The following NR4A2 variants were observed in gnomAD, a reference collection of about 807,000 sequenced individuals.
NR4A2 encodes nuclear receptor subfamily 4 group A member 2.
A neutral mutation model predicts 50.5 loss-of-function variants in NR4A2; 1 was observed. The observed-to-expected ratio is 0.02, with a 90% CI of 0.01 to 0.09. NR4A2 has a LOEUF of 0.09. Ranked by LOEUF, NR4A2 falls within the 10% of genes least tolerant of loss-of-function variation. NR4A2 has a pLI of 1.00. For synonymous variants in NR4A2, 328 were observed against 309.4 expected, an observed-to-expected ratio of 1.06 and a Z score of -0.63; for missense variants, 613 against 777.3, an observed-to-expected ratio of 0.79 and a Z score of 2.51.
chr2:156,326,968 TA>T lies in NR4A2; in HGVS notation c.1159-49del, dbSNP rs751835797. 11 of 1,580,862 alleles carry T rather than the reference TA, an allele frequency of 7.0e-6. No homozygotes were observed. Among genetic ancestry groups the T allele is most frequent in the Non-Finnish European group, 8.7e-7 (1 of 1,152,212 alleles). On this transcript the variant is annotated intron_variant, in intron 5 of 7. Coordinates refer to ENST00000339562, the MANE Select transcript of NR4A2 (RefSeq NM_006186.4). This position sits in a 1 kb window ranked among gnomAD's most constrained non-coding sequence, Gnocchi z 4.2. The stretch of plus-strand genomic sequence containing the variant: ...ACTTAATGAGGTTCTCTAAAATATA[TA>T]ACCCGTGAAATTGCTAACCCCGTTT...
Position 156,325,968 on chromosome 2 carries a change from C to G in NR4A2, c.1573G>C (p.Glu525Gln). Reference sequence around the variant, plus strand: ...TTTACAATCTTGTTTTGCAGTTCTTCCACTCTCTTGGGTTCCTTGAGCCCG... The same window carrying G: ...TTTACAATCTTGTTTTGCAGTTCTTGCACTCTCTTGGGTTCCTTGAGCCCG... ...RHGLKEPKRV[E>Q]ELQNKIVNCL... The change falls in exon 8 of 8, where the codon GAA (glutamate) becomes CAA (glutamine). Residue 525 changes from glutamate to glutamine, a missense_variant. Around this residue, in one of 4 missense-constraint regions of NR4A2, gnomAD observed 250 missense variants for 311.3 expected, o/e 0.80. Coordinates refer to ENST00000339562, the MANE Select transcript of NR4A2 (RefSeq NM_006186.4). The G allele has an allele frequency of 1.2e-6, 2 of 1,614,186 alleles. No homozygotes were observed. The highest frequency in any genetic ancestry group is 1.7e-6 in the Non-Finnish European group (2 of 1,180,036).
At position 156,328,059 on chromosome 2, in the gene NR4A2, C is replaced by T. The variant is rs767495441; in HGVS notation, c.995-45G>A. The T allele has an allele frequency of 6.3e-7, 1 of 1,579,640 alleles. No homozygotes were observed. Among genetic ancestry groups the T allele is most frequent in the South Asian group, 1.1e-5 (1 of 87,082 alleles). ...TTAGCGCCGCTTTTCCGAGCCCAGG[C>T]CCAGCTGCTGCCTCGGTCCCTCCCC... On this transcript the variant is annotated intron_variant, in intron 4 of 7. Coordinates refer to ENST00000339562, the MANE Select transcript of NR4A2 (RefSeq NM_006186.4). This position sits in a 1 kb window ranked among gnomAD's most constrained non-coding sequence, Gnocchi z 4.9.
chr2:156,328,639 C>T lies in NR4A2; in HGVS notation c.865-106G>A. 1 of 1,282,554 alleles carries T rather than the reference C, an allele frequency of 7.8e-7. No homozygotes were observed. Among genetic ancestry groups the T allele is most frequent in the Middle Eastern group, 2.5e-4 (1 of 4,070 alleles). The allele number at this position is 1,282,554 out of a possible 1,614,324, so 79.4% of individuals were successfully genotyped here. A position where few individuals can be genotyped will look rare whatever the true frequency, so the allele number is the denominator to read the frequency against. ...GACTGGGGTCTACGATTCCTCCCCA[C>T]AAACAAACACATACACACAATTCCA... On this transcript the variant is annotated intron_variant, in intron 3 of 7. Coordinates refer to ENST00000339562, the MANE Select transcript of NR4A2 (RefSeq NM_006186.4). The surrounding 1 kb of genome is among the most constrained non-coding windows in gnomAD (Gnocchi z 4.9).
At position 156,330,738 on chromosome 2, in the gene NR4A2, G is replaced by C; in HGVS notation, c.-73C>G. On this transcript the variant is annotated 5_prime_UTR_variant, in exon 2 of 8. Transcript: ENST00000339562. ...GTGTCGTAATTCAATGAAGGACAAA[G>C]TTTCCAAGATTTTTAGAAAAGCAAT... The C allele has an allele frequency of 1.6e-6, 2 of 1,255,694 alleles. No individual in the cohort carries two copies. The highest frequency in any genetic ancestry group is 2.0e-6 in the Non-Finnish European group (2 of 1,000,290). 77.8% of individuals were successfully genotyped at this position (1,255,694 alleles called of 1,614,324 possible).
chr2:156,329,719 G>A lies in NR4A2; in HGVS notation c.468C>T (p.Tyr156=). ...GCTCGATCATGTGCGTAGTGGCCAC[G>A]TAGTTCTGGTGGAAGTTGTGGAGAG... ...PGSLHNFHQN[Y]VATTHMIEQR... The change falls in exon 3 of 8, where the codon TAC becomes TAT. Residue 156 remains tyrosine (Y), a synonymous_variant. Coordinates refer to ENST00000339562, the MANE Select transcript of NR4A2 (RefSeq NM_006186.4). This position sits in a 1 kb window ranked among gnomAD's most constrained non-coding sequence, Gnocchi z 7.5. 6.2e-7 allele frequency: 1 copy of A among 1,614,038 alleles called. No individual in the cohort carries two copies. The highest frequency in any genetic ancestry group is 8.5e-7 in the Non-Finnish European group (1 of 1,179,936).
rs1228468260 is a variant in NR4A2, at chr2:156,324,486, G to A, written c.*1258C>T. 6.6e-6 allele frequency: 1 copy of A among 152,040 alleles called. No individual in the cohort carries two copies. The highest frequency in any genetic ancestry group is 1.5e-5 in the Non-Finnish European group (1 of 67,936). 9.4% of individuals were successfully genotyped at this position (152,040 alleles called of 1,614,324 possible). A position where few individuals can be genotyped will look rare whatever the true frequency, so the allele number is the denominator to read the frequency against. On this transcript the variant is annotated 3_prime_UTR_variant, in exon 8 of 8. Transcript: ENST00000339562. The stretch of plus-strand genomic sequence containing the variant: ...AAACATTAAAATTGTCTTTCTCAAA[G>A]AAAGAATTTATCAGAAAAAAAATCA...
Position 156,326,688 on chromosome 2 carries a change from C to T in NR4A2, c.1361+30G>A. On this transcript the variant is annotated intron_variant, in intron 6 of 7. Transcript: ENST00000339562. This position sits in a 1 kb window ranked among gnomAD's most constrained non-coding sequence, Gnocchi z 4.2. ...CTTTCTTGATTTCTCTCACAGCCTC[C>T]CTGGATTGTCTCCCTCCCTCCCTTA... The T allele has an allele frequency of 2.0e-6, 3 of 1,527,506 alleles. No homozygotes were observed. Among genetic ancestry groups the T allele is most frequent in the Non-Finnish European group, 2.6e-6 (3 of 1,141,704 alleles). The allele number at this position is 1,527,506 out of a possible 1,614,324, so 94.6% of individuals were successfully genotyped here.
Position 156,326,385 on chromosome 2 carries a change from A to T in NR4A2, c.1362-57T>A. On this transcript the variant is annotated intron_variant, in intron 6 of 7. Transcript: ENST00000339562. The surrounding 1 kb of genome is among the most constrained non-coding windows in gnomAD (Gnocchi z 4.2). ...AAAAAGAGAGAGAGAAAAGCTAAAC[A>T]ACTAATTACTTGAAGAGCAATAAAT... 1 of 1,476,938 alleles carries T rather than the reference A, an allele frequency of 6.8e-7. No homozygotes were observed. The allele number at this position is 1,476,938 out of a possible 1,614,324, so 91.5% of individuals were successfully genotyped here.
chr2:156,329,736 T>C lies in NR4A2; in HGVS notation c.451A>G (p.Asn151Asp). 1 of 1,613,920 alleles carries C rather than the reference T, an allele frequency of 6.2e-7. No homozygotes were observed. The part of the protein sequence containing the change: ...PMWDDPGSLH[N>D]FHQNYVATTH... ...GTGGCCACGTAGTTCTGGTGGAAGTTGTGGAGAGATCCCGGGTCGTCCCAC... is the reference window on the plus strand; with the variant it reads ...GTGGCCACGTAGTTCTGGTGGAAGTCGTGGAGAGATCCCGGGTCGTCCCAC... The change falls in exon 3 of 8, where the codon AAC becomes GAC. Residue 151 changes from asparagine to aspartate, a missense_variant. Asn to Asp is a conservative substitution (Grantham distance 23). Transcript: ENST00000339562. This position sits in a 1 kb window ranked among gnomAD's most constrained non-coding sequence, Gnocchi z 7.5.
In NR4A2 at chr2:156,329,513, C is replaced by G; in HGVS notation, c.674G>C (p.Arg225Pro). Residue 225 changes from arginine to proline, a missense_variant, in exon 3 of 8, where the codon CGC (arginine) becomes CCC (proline). Transcript: ENST00000339562. This position sits in a 1 kb window ranked among gnomAD's most constrained non-coding sequence, Gnocchi z 7.5. ...GQTFAVPNPI[R>P]KPASMGFPGL... ...CGGGAAGCCCATGGACGCGGGCTTG[C>G]GAATGGGGTTGGGCACAGCGAAGGT... is the stretch of plus-strand genomic sequence containing the variant. 1.9e-6 allele frequency: 3 copies of G among 1,604,900 alleles called. No individual in the cohort carries two copies. The highest frequency in any genetic ancestry group is 1.7e-6 in the Non-Finnish European group (2 of 1,176,030).
At position 156,329,478 on chromosome 2, in the gene NR4A2, T is replaced by G; in HGVS notation, c.709A>C (p.Ile237Leu). The change falls in exon 3 of 8, where the codon ATC becomes CTC. Residue 237 changes from isoleucine (I) to leucine (L), a missense_variant. By Grantham distance (5) the Ile-to-Leu change is conservative. This residue lies in a region of NR4A2 where 275 missense variants were observed against 248.9 expected (regional missense o/e 1.10). Coordinates refer to ENST00000339562, the MANE Select transcript of NR4A2 (RefSeq NM_006186.4). This position sits in a 1 kb window ranked among gnomAD's most constrained non-coding sequence, Gnocchi z 7.5. ...PASMGFPGLQ[I>L]GHASQLLDTQ... ...TCGAGCAGCTGAGACGCGTGGCCGA[T>G]CTGCAGGCCCGGGAAGCCCATGGAC... The G allele has an allele frequency of 6.2e-7, 1 of 1,606,730 alleles. No individual in the cohort carries two copies. The highest frequency in any genetic ancestry group is 8.5e-7 in the Non-Finnish European group (1 of 1,177,780).
At position 156,328,271 on chromosome 2, in the gene NR4A2, T is replaced by A; in HGVS notation, c.994+133A>T. ...AGGGAAGGCCGGGCAAGCAGGCAGCTGCAGGGTCCTGGAGGCCATACTGAG... is the reference window on the plus strand; with the variant it reads ...AGGGAAGGCCGGGCAAGCAGGCAGCAGCAGGGTCCTGGAGGCCATACTGAG... On this transcript the variant is annotated intron_variant, in intron 4 of 7. Coordinates refer to ENST00000339562, the MANE Select transcript of NR4A2 (RefSeq NM_006186.4). The surrounding 1 kb of genome is among the most constrained non-coding windows in gnomAD (Gnocchi z 4.9). The A allele has an allele frequency of 6.9e-7, 1 of 1,452,452 alleles. No homozygotes were observed. The allele number at this position is 1,452,452 out of a possible 1,614,324, so 90.0% of individuals were successfully genotyped here.
At chr2:156,330,535 A>T in intron 2 of NR4A2, 133 bp downstream of exon 2, 1 of 983,108 alleles carries the variant, frequency 1.0e-6, no homozygotes, top group Non-Finnish European at 1.4e-6. Flanking sequence ...AATGAAGTTG[A>T]ATTTCACAAT....
At position 156,325,975 on chromosome 2, in the gene NR4A2, C is replaced by T. The variant is rs566239612; in HGVS notation, c.1566G>A (p.Lys522=). The T allele has an allele frequency of 8.1e-6, 13 of 1,614,216 alleles. No homozygotes were observed. The East Asian group carries it at 2.9e-4, about 36-fold the overall frequency. The change falls in exon 8 of 8, where the codon AAG becomes AAA. Residue 522 remains lysine, a synonymous_variant. Coordinates refer to ENST00000339562, the MANE Select transcript of NR4A2 (RefSeq NM_006186.4). ...VTERHGLKEP[K]RVEELQNKIV... is the part of the protein sequence containing the mutation. ...TCTTGTTTTGCAGTTCTTCCACTCTCTTGGGTTCCTTGAGCCCGTGTCTCT... is the reference window on the plus strand; with the variant it reads ...TCTTGTTTTGCAGTTCTTCCACTCTTTTGGGTTCCTTGAGCCCGTGTCTCT...
Position 156,329,641 on chromosome 2 carries a change from G to A in NR4A2, c.546C>T (p.Pro182=). ...RLSLFSFKQS[P]PGTPVSSCQM... is the part of the protein sequence containing the mutation. Reference sequence around the variant, plus strand: ...GGCAACTAGACACCGGGGTGCCAGGGGGCGATTGCTTAAAGGAGAAGAGGG... The same window carrying A: ...GGCAACTAGACACCGGGGTGCCAGGAGGCGATTGCTTAAAGGAGAAGAGGG... The change falls in exon 3 of 8, where the codon CCC becomes CCT. Residue 182 remains proline (P), a synonymous_variant. Coordinates refer to ENST00000339562, the MANE Select transcript of NR4A2 (RefSeq NM_006186.4). This position sits in a 1 kb window ranked among gnomAD's most constrained non-coding sequence, Gnocchi z 7.5. The A allele has an allele frequency of 6.2e-7, 1 of 1,613,740 alleles. No homozygotes were observed. The highest frequency in any genetic ancestry group is 8.5e-7 in the Non-Finnish European group (1 of 1,179,788).
rs1254513717 is a variant in NR4A2, at chr2:156,326,851, G to A, written c.1228C>T (p.Leu410=). Residue 410 remains leucine, a synonymous_variant, in exon 6 of 8, where the codon CTG becomes TTG. Transcript: ENST00000339562. The surrounding 1 kb of genome is among the most constrained non-coding windows in gnomAD (Gnocchi z 4.2). ...CGGATGATCTCCATGGAGCCAGTCA[G>A]GAGATCATAGAATTGCTGGATATGC... ...TQHIQQFYDL[L]TGSMEIIRGW... 1.9e-6 allele frequency: 3 copies of A among 1,614,134 alleles called. No individual in the cohort carries two copies. The African/African-American group carries it at 4.0e-5, about 22-fold the overall frequency.
At chr2:156,330,314 G>T in intron 2 of NR4A2, 126 bp from the exon 3 acceptor site, 1 of 1,097,356 alleles carries the variant, frequency 9.1e-7, no homozygotes, top group Non-Finnish European at 1.3e-6. Flanking sequence ...GGCGCGAGAG[G>T]AAAGGCAGGA....
chr2:156,327,244 G>A (rs188922540), intron 5 of NR4A2, among the ~76,000 whole-genome samples: 1 of 152,178 alleles, frequency 6.6e-6, no homozygotes, highest in Non-Finnish European at 1.5e-5. Flanking sequence ...GAGCTGAGAC[G>A]CCCTTTTGCA....
Position 156,330,693 on chromosome 2 carries a change from G to T in NR4A2, c.-28C>A. The T allele has an allele frequency of 7.9e-7, 1 of 1,270,054 alleles. No homozygotes were observed. The highest frequency in any genetic ancestry group is 3.3e-5 in the South Asian group (1 of 30,326). 78.7% of individuals were successfully genotyped at this position (1,270,054 alleles called of 1,614,324 possible). ...CTTCAGCCGAGTTACAGGCGTTTTCGAGGAAATTAAAGGTGGACAGTGTCG... is the reference window on the plus strand; with the variant it reads ...CTTCAGCCGAGTTACAGGCGTTTTCTAGGAAATTAAAGGTGGACAGTGTCG... On this transcript the variant is annotated 5_prime_UTR_variant, in exon 2 of 8. Coordinates refer to ENST00000339562, the MANE Select transcript of NR4A2 (RefSeq NM_006186.4).
Sources: gnomAD v4.1 joint callset for allele counts (sites outside exome capture counted in the v4.1 genomes callset) on GRCh38, gnomAD v4.1.1 for gene constraint, gnomAD v4.1.1 regional missense constraint, Gnocchi (gnomAD v3.1) non-coding constraint, MANE v1.5 for transcripts, NCBI Gene and HGNC (gene_info 2026-07-23, HGNC 2026-07-21) for gene names.